The following SIM1 variants were observed in gnomAD, a reference collection of about 807,000 sequenced individuals.
The protein encoded by SIM1 is SIM bHLH transcription factor 1, also known as single-minded homolog 1.
Under a neutral mutation model 78.2 loss-of-function variants are expected in SIM1, and 18 were observed. That is an observed-to-expected ratio of 0.23 (90% CI 0.16 to 0.34). The LOEUF (loss-of-function observed/expected upper bound fraction) is 0.34, where lower values mean the gene tolerates loss of function less well. Among genes scored for constraint, SIM1 ranks in the 10% least tolerant of loss-of-function variants. SIM1 has a pLI of 1.00. For missense variants in SIM1, 939 were observed against 975.1 expected, an observed-to-expected ratio of 0.96 and a Z score of 0.49; for synonymous variants, 417 against 385.2, an observed-to-expected ratio of 1.08 and a Z score of -0.97.
intron 9 of SIM1, among the ~76,000 whole-genome samples, chr6:100,423,774 T>C (rs1771654504): frequency 6.6e-6 from 1 of 152,210 alleles, no homozygotes; most frequent in Non-Finnish European, 1.5e-5. Flanking sequence ...CTACCTGCCA[T>C]TAGACATCAG....
At chr6:100,457,954 A>C (rs568670428) in intron 2 of SIM1, among the ~76,000 whole-genome samples, 26 of 148,828 alleles carry the variant, frequency 1.7e-4, no homozygotes, top group Admixed American at 1.7e-3. Flanking sequence ...CACTAATGTT[A>C]CTGTAAATGT....
intron 9 of SIM1, among the ~76,000 whole-genome samples, chr6:100,439,603 G>T (rs1183602315): frequency 6.6e-6 from 1 of 152,072 alleles, no homozygotes; most frequent in African/African-American, 2.4e-5. Context: ...GCCACACTCA[G>T]TCCATGTAGA....
intron 10 of SIM1, among the ~76,000 whole-genome samples, chr6:100,410,223 T>C (rs891200716): frequency 6.6e-6 from 1 of 152,232 alleles, no homozygotes; most frequent in Non-Finnish European, 1.5e-5. Flanking sequence ...GTTTTAATAA[T>C]ATTTTATTCT....
chr6:100,421,367 A>G (rs1031537189), intron 9 of SIM1, among the ~76,000 whole-genome samples: 8 of 152,174 alleles, frequency 5.3e-5, no homozygotes, highest in African/African-American at 1.7e-4. Flanking sequence ...ATTCTGGTAA[A>G]CATTCAAAGC....
intron 10 of SIM1, among the ~76,000 whole-genome samples, chr6:100,410,621 G>C (rs1013465931): frequency 6.6e-6 from 1 of 152,216 alleles, no homozygotes; most frequent in Non-Finnish European, 1.5e-5. Context: ...GCTGACATGG[G>C]GGCAGGCTTG....
intron 2 of SIM1, among the ~76,000 whole-genome samples, chr6:100,461,358 C>T (rs1389069778): frequency 2.6e-5 from 4 of 152,220 alleles, no homozygotes; most frequent in East Asian, 1.9e-4. Context: ...GCTGCGCCTG[C>T]CCCCGGGTCT....
intron 3 of SIM1, among the ~76,000 whole-genome samples, chr6:100,452,901 C>T (rs1772551274): frequency 1.3e-5 from 2 of 152,096 alleles, no homozygotes; most frequent in Non-Finnish European, 2.9e-5. Context: ...AAAAGGAGCT[C>T]CTGTCAAGAG....
intron 9 of SIM1, among the ~76,000 whole-genome samples, chr6:100,424,986 G>A (rs772660206): frequency 1.8e-4 from 27 of 152,062 alleles, no homozygotes; most frequent in African/African-American, 3.9e-4. Flanking sequence ...TTTCCCCACC[G>A]AAATATCAAC....
At chr6:100,402,188 C>G (rs1770931199) in intron 10 of SIM1, among the ~76,000 whole-genome samples, 1 of 152,200 alleles carries the variant, frequency 6.6e-6, no homozygotes, top group South Asian at 2.1e-4. Flanking sequence ...GAAATGGTTA[C>G]CATCTTGTAA....
chr6:100,420,545 T>C (rs1190495039), intron 10 of SIM1, among the ~76,000 whole-genome samples: 1 of 152,206 alleles, frequency 6.6e-6, no homozygotes, highest in Non-Finnish European at 1.5e-5. Flanking sequence ...AAAGAAGTTA[T>C]AGTTCTGACA....
rs1425666741 is a variant in SIM1, at chr6:100,386,132, T to C, written c.*4229A>G. 1 of 152,070 alleles carries C rather than the reference T, an allele frequency of 6.6e-6. No individual in the cohort carries two copies. Among genetic ancestry groups the C allele is most frequent in the Non-Finnish European group, 1.5e-5 (1 of 67,910 alleles). 9.4% of individuals were successfully genotyped at this position (152,070 alleles called of 1,614,324 possible). A position where few individuals can be genotyped will look rare whatever the true frequency, so the allele number is the denominator to read the frequency against. On this transcript the variant is annotated 3_prime_UTR_variant, in exon 12 of 12. Transcript: ENST00000369208. The stretch of plus-strand genomic sequence containing the variant: ...CATTTATTTGGAGGACCATAGGATT[T>C]ACATTCTTTTTAAAATCATTATGAA...
chr6:100,442,201 G>T (rs769504221), intron 9 of SIM1, among the ~76,000 whole-genome samples: 4 of 152,142 alleles, frequency 2.6e-5, no homozygotes, highest in Non-Finnish European at 5.9e-5. Flanking sequence ...GTTCATGAAA[G>T]ATGAATTCAA....
chr6:100,425,991 T>A (rs1370872335), intron 9 of SIM1, among the ~76,000 whole-genome samples: 1 of 152,250 alleles, frequency 6.6e-6, no homozygotes, highest in Non-Finnish European at 1.5e-5. Context: ...AAACCCTGTT[T>A]GGGGCTCCGT....
chr6:100,390,494 T>A lies in SIM1; in HGVS notation c.2168A>T (p.Asp723Val), dbSNP rs775469399. 13 of 1,614,154 alleles carry A rather than the reference T, an allele frequency of 8.1e-6. No homozygotes were observed. The highest frequency in any genetic ancestry group is 1.0e-5 in the Non-Finnish European group (12 of 1,180,034). Residue 723 changes from aspartate to valine, a missense_variant, in exon 12 of 12, where the codon GAC becomes GTC. By Grantham distance (152) the Asp-to-Val change is radical. Transcript: ENST00000369208. ...LTGYALEHLY[D>V]SETIRNYSLG... is the part of the protein sequence containing the mutation. ...GGAATAGTTTCTAATGGTTTCGCTG[T>A]CATATAAGTGCTCCAGGGCATATCC...
chr6:100,424,156 A>G (rs1771665167), intron 9 of SIM1, among the ~76,000 whole-genome samples: 1 of 147,296 alleles, frequency 6.8e-6, no homozygotes, highest in African/African-American at 2.5e-5. Context: ...AATACTTCAA[A>G]TTAAATAGGT....
chr6:100,398,341 C>T (rs1770818271), intron 10 of SIM1, among the ~76,000 whole-genome samples: 1 of 152,078 alleles, frequency 6.6e-6, no homozygotes. Flanking sequence ...TAAGTACATT[C>T]ATGGTGCCAT....
At chr6:100,441,361 A>C (rs1306761387) in intron 9 of SIM1, among the ~76,000 whole-genome samples, 1 of 152,130 alleles carries the variant, frequency 6.6e-6, no homozygotes, top group Non-Finnish European at 1.5e-5. Flanking sequence ...CCCTGCTGCC[A>C]TATATCCCCT....
intron 9 of SIM1, among the ~76,000 whole-genome samples, chr6:100,442,032 A>G (rs1444248385): frequency 1.3e-5 from 2 of 152,324 alleles, no homozygotes; most frequent in East Asian, 3.9e-4. Flanking sequence ...CTTACTCAGC[A>G]TATCTGAGCC....
intron 2 of SIM1, among the ~76,000 whole-genome samples, chr6:100,458,149 T>G (rs1296953934): frequency 6.6e-6 from 1 of 151,622 alleles, no homozygotes; most frequent in African/African-American, 2.4e-5. Flanking sequence ...CTGCCCGAGT[T>G]GGAGCCAGCC....
Sources: gnomAD v4.1 joint callset for allele counts (sites outside exome capture counted in the v4.1 genomes callset) on GRCh38, gnomAD v4.1.1 for gene constraint, MANE v1.5 for transcripts, NCBI Gene and HGNC (gene_info 2026-07-23, HGNC 2026-07-21) for gene names.